ARVCF: variants seen among roughly 807,000 people sequenced by gnomAD.
ARVCF encodes ARVCF delta catenin family member.
Under a neutral mutation model 90.9 loss-of-function variants are expected in ARVCF, and 66 were observed. That is an observed-to-expected ratio of 0.73 (90% CI 0.60 to 0.89). The LOEUF (loss-of-function observed/expected upper bound fraction) is 0.89, where lower values mean the gene tolerates loss of function less well. Ranked by LOEUF, ARVCF falls within the 40% of genes least tolerant of loss-of-function variation. The pLI, the probability that ARVCF is intolerant of heterozygous loss-of-function variation, is 0.00. For missense variants in ARVCF, 1,469 were observed against 1,382.3 expected (o/e 1.06, Z -1.00); for synonymous variants, 653 against 603.4 (o/e 1.08, Z -1.21).
At position 19,974,206 on chromosome 22, in the gene ARVCF, C is replaced by A; in HGVS notation, c.1994G>T (p.Arg665Leu). The part of the protein sequence containing the change: ...FELLYQPEVV[R>L]LYLSLLTESR... ...CTCCGTGAGGAGGGAGAGGTAGAGA[C>A]GTACCACCTCGGGCTGGTACAGCAG... The change falls in exon 12 of 20, where the codon CGT becomes CTT. Residue 665 changes from arginine (R) to leucine (L), a missense_variant. Coordinates refer to ENST00000263207, the MANE Select transcript of ARVCF (RefSeq NM_001670.3). The A allele has an allele frequency of 6.2e-7, 1 of 1,612,520 alleles. No homozygotes were observed. Among genetic ancestry groups the A allele is most frequent in the Admixed American group, 1.7e-5 (1 of 59,976 alleles).
At chr22:19,970,795 C>T (rs1388583065) in intron 19 of ARVCF, 52 bp from the exon 20 acceptor site, 9 of 1,293,560 alleles carry the variant, frequency 7.0e-6, no homozygotes, top group African/African-American at 1.5e-5. Context: ...TGGCACAGGA[C>T]CACGTGTAAC....
chr22:20,013,189 T>C (rs1944899086), intron 1 of ARVCF, among the ~76,000 whole-genome samples: 1 of 152,312 alleles, frequency 6.6e-6, no homozygotes, highest in Middle Eastern at 3.4e-3. Context: ...AACCGAGTGT[T>C]CTCCTAGGCC....
At chr22:19,998,370 G>T (rs1222408213) in intron 2 of ARVCF, among the ~76,000 whole-genome samples, 1 of 152,232 alleles carries the variant, frequency 6.6e-6, no homozygotes, top group Non-Finnish European at 1.5e-5. Context: ...GGGAGGTGGG[G>T]TGCAGCCCCT....
At position 20,016,741 on chromosome 22, in the gene ARVCF, G is replaced by A. The variant is rs1945207185; in HGVS notation, c.-225C>T. The A allele has an allele frequency of 2.0e-5, 3 of 151,234 alleles. No homozygotes were observed. 9.4% of individuals were successfully genotyped at this position (151,234 alleles called of 1,614,324 possible). ...CCACGCGGCCGCAACTCGGACCGGT[G>A]CGGGGGCCGCCCCCTCCCTCCAGGC... On this transcript the variant is annotated 5_prime_UTR_variant, in exon 1 of 20. Transcript: ENST00000263207.
intron 2 of ARVCF, among the ~76,000 whole-genome samples, chr22:19,999,345 C>T (rs1944364412): frequency 6.6e-6 from 1 of 152,160 alleles, no homozygotes; most frequent in African/African-American, 2.4e-5. Context: ...CCTGCGGCAG[C>T]ACGAGGAGGC....
At chr22:19,985,730 T>C (rs1943733872) in intron 3 of ARVCF, among the ~76,000 whole-genome samples, 1 of 152,136 alleles carries the variant, frequency 6.6e-6, no homozygotes, top group Admixed American at 6.5e-5. Flanking sequence ...CCACGGTCTG[T>C]GTCCTGAAGA....
intron 3 of ARVCF, chr22:19,986,961 C>T: frequency 1.6e-6 from 1 of 607,718 alleles, no homozygotes; most frequent in South Asian, 1.8e-5. Flanking sequence ...ACAATAGCTG[C>T]CTCGGGCCAG....
In ARVCF at chr22:19,972,745, TTG is replaced by T; in HGVS notation, c.2631_2632del (p.Asp877GlufsTer4). 1 of 1,610,878 alleles carries T rather than the reference TTG, an allele frequency of 6.2e-7. No individual in the cohort carries two copies. The highest frequency in any genetic ancestry group is 1.3e-5 in the African/African-American group (1 of 74,942). ...TAAGCTCCACCACTCACCAAGGCTC[TTG>T]TCCACCAGTGGCAGCGTGCTGTCAT... On this transcript the variant is annotated frameshift_variant, in exon 16 of 20. Coordinates refer to ENST00000263207, the MANE Select transcript of ARVCF (RefSeq NM_001670.3). LOFTEE classifies it high-confidence loss of function.
chr22:19,983,296 C>A (rs1176803566), intron 3 of ARVCF, among the ~76,000 whole-genome samples: 3 of 152,216 alleles, frequency 2.0e-5, no homozygotes, highest in Non-Finnish European at 4.4e-5. Context: ...CTTGCCTGGG[C>A]CCCCTGGGGC....
chr22:19,972,396 C>G lies in ARVCF; in HGVS notation c.2657G>C (p.Gly886Ala). The G allele has an allele frequency of 1.2e-6, 2 of 1,613,636 alleles. No homozygotes were observed. Among genetic ancestry groups the G allele is most frequent in the Non-Finnish European group, 1.7e-6 (2 of 1,179,990 alleles). ...ATCCATGGGGATCACATCCCGGCTG[C>G]CAGTTTTCTCGCCCTCTGCAAGGCA... Reference protein sequence around the residue: ...VDKSLEGEKTGSRDVIPMDAL... With the variant: ...VDKSLEGEKTASRDVIPMDAL... The change falls in exon 17 of 20, where the codon GGC becomes GCC. Residue 886 changes from glycine to alanine, a missense_variant. By Grantham distance (60) the Gly-to-Ala change is moderately conservative (BLOSUM62 0). Coordinates refer to ENST00000263207, the MANE Select transcript of ARVCF (RefSeq NM_001670.3).
Position 20,004,172 on chromosome 22 carries a change from G to A in ARVCF, c.-19+6283C>T, listed in dbSNP as rs1228219301. On this transcript the variant is annotated intron_variant, in intron 2 of 19. Transcript: ENST00000263207. ...ATAATACTAAACTTAAGAAACTTAA[G>A]ATCTGTACACTGAAAACTATAAAAC... 2.0e-5 allele frequency among the ~76,000 whole-genome samples: 3 copies of A among 152,018 alleles called. No individual in the cohort carries two copies. In the East Asian group the frequency reaches 5.8e-4, roughly 29 times the overall value.
At chr22:19,977,913 C>T (rs757649739) in intron 8 of ARVCF, 45 bp downstream of exon 8, 22 of 1,545,358 alleles carry the variant, frequency 1.4e-5, no homozygotes, top group East Asian at 2.3e-5. Context: ...CCTGCATGAT[C>T]GTCTCTCCAG....
chr22:19,977,315 C>T, intron 9 of ARVCF, 100 bp downstream of exon 9: 1 of 1,419,842 alleles, frequency 7.0e-7, no homozygotes. Context: ...GACCAGGTGT[C>T]CTCTAGCCTC....
Position 19,984,094 on chromosome 22 carries a change from A to G in ARVCF, c.211-2003T>C, listed in dbSNP as rs190698527. Among the ~76,000 whole-genome samples the G allele has an allele frequency of 2.5e-3, 381 of 152,292 alleles. 4 individuals are homozygous for G. The highest frequency in any genetic ancestry group is 1.3e-3 in the Non-Finnish European group (89 of 68,000). ...TGAGGGGCTGCAGTTCTGGCGACAG[A>G]GTGAGGAGGGTATAAAGCAAGACTG... On this transcript the variant is annotated intron_variant, in intron 3 of 19. Coordinates refer to ENST00000263207, the MANE Select transcript of ARVCF (RefSeq NM_001670.3).
intron 5 of ARVCF, chr22:19,980,752 A>G (rs16982878): frequency 0.048 from 8,914 of 186,548 alleles, 802 homozygotes; most frequent in African/African-American, 0.19. Context: ...CTTAGCTCTC[A>G]GTAGCCCTGT....
chr22:19,981,826 G>A (rs963355939), intron 4 of ARVCF, 89 bp from the exon 5 acceptor site: 36 of 1,548,148 alleles, frequency 2.3e-5, no homozygotes, highest in South Asian at 3.7e-5. Flanking sequence ...TTTCCCACTC[G>A]AGCAATGAGA....
intron 3 of ARVCF, chr22:19,987,010 C>T: frequency 3.1e-6 from 2 of 644,018 alleles, no homozygotes; most frequent in East Asian, 3.4e-5. Context: ...CCGGGCAGGC[C>T]GACGCCCCGC....
rs527991780 is a variant in ARVCF at position 19,978,937 on chromosome 22, C to T, written c.1540G>A (p.Glu514Lys). Residue 514 changes from glutamate to lysine, a missense_variant, in exon 7 of 20, where the codon GAG (glutamate) becomes AAG (lysine). Physicochemically the swap from Glu to Lys is moderately conservative, Grantham distance 56 (BLOSUM62 1). Coordinates refer to ENST00000263207, the MANE Select transcript of ARVCF (RefSeq NM_001670.3). ...PNEDSKPRDA[E>K]WTTVFKNTSG... ...GTGTTCTTGAAGACAGTTGTCCACT[C>T]GGCGTCCCGTGGCTTGGAGTCCTCG... 44 of 1,613,134 alleles carry T rather than the reference C, an allele frequency of 2.7e-5. No individual in the cohort carries two copies. The highest frequency in any genetic ancestry group is 1.7e-4 in the Middle Eastern group (1 of 6,038).
chr22:19,988,505 G>T (rs1015122428), intron 3 of ARVCF, among the ~76,000 whole-genome samples: 5 of 152,274 alleles, frequency 3.3e-5, no homozygotes, highest in Non-Finnish European at 7.3e-5. Flanking sequence ...CGTCAGCCCT[G>T]TTTCAGCTGG....
Sources: allele counts gnomAD v4.1 joint callset (sites outside exome capture counted in the v4.1 genomes callset), GRCh38; gene constraint gnomAD v4.1.1; transcripts MANE v1.5; gene names NCBI Gene and HGNC (gene_info 2026-07-23, HGNC 2026-07-21).